The following IER5L variants were observed in gnomAD, a reference collection of about 807,000 sequenced individuals.
The protein encoded by IER5L is immediate early response gene 5-like protein.
A neutral mutation model predicts 28.3 loss-of-function variants in IER5L; 6 were observed. That is an observed-to-expected ratio of 0.21 (90% confidence interval 0.12 to 0.42). The LOEUF is 0.42. IER5L is among the 10% of genes least tolerant of loss of function. The pLI is 1.00. For missense variants in IER5L, 607 were observed against 575.2 expected, an observed-to-expected ratio of 1.06 and a Z score of -0.56; for synonymous variants, 351 against 282.5, an observed-to-expected ratio of 1.24 and a Z score of -2.43.
In IER5L at chr9:129,177,153, G is replaced by A; in HGVS notation, c.900C>T (p.Cys300=). The A allele has an allele frequency of 2.7e-6, 4 of 1,467,422 alleles. No individual in the cohort carries two copies. In the African/African-American group the frequency reaches 4.4e-5, roughly 16 times the overall value. The allele number at this position is 1,467,422 out of a possible 1,614,324, so 90.9% of individuals were successfully genotyped here. Residue 300 remains cysteine, a synonymous_variant, in exon 1 of 1, where the codon TGC becomes TGT. Coordinates refer to ENST00000372491, the MANE Select transcript of IER5L (RefSeq NM_203434.3). ...CCTGGCCAGGGTAATACTTGCGCTT[G>A]CAGCCGGCGGCGGACGCCAGGCCCG... ...PGPGLASAAG[C]KRKYYPGQEE...
Position 129,177,210 on chromosome 9 carries a change from G to A in IER5L, c.843C>T (p.His281=). 6.8e-7 allele frequency: 1 copy of A among 1,473,718 alleles called. No homozygotes were observed. Among genetic ancestry groups the A allele is most frequent in the Non-Finnish European group, 8.9e-7 (1 of 1,120,546 alleles). The allele number at this position is 1,473,718 out of a possible 1,614,324, so 91.3% of individuals were successfully genotyped here. The stretch of plus-strand genomic sequence containing the variant: ...GAGCGCCCTGGCCACAGCAGGGGCA[G>A]TGGGCGGAGGCGCAGCAGTCCTGGT... The part of the protein sequence containing the change: ...YLHQDCCASA[H]CPCCGQGAPG... The change falls in exon 1 of 1, where the codon CAC becomes CAT. Residue 281 remains histidine (H), a synonymous_variant. Coordinates refer to ENST00000372491, the MANE Select transcript of IER5L (RefSeq NM_203434.3).
Position 129,178,059 on chromosome 9 carries a change from G to C in IER5L, c.-7C>G. 2 of 1,411,080 alleles carry C rather than the reference G, an allele frequency of 1.4e-6. No individual in the cohort carries two copies. The highest frequency in any genetic ancestry group is 1.8e-6 in the Non-Finnish European group (2 of 1,081,534). The allele number at this position is 1,411,080 out of a possible 1,614,324, so 87.4% of individuals were successfully genotyped here. On this transcript the variant is annotated 5_prime_UTR_variant, in exon 1 of 1. Transcript: ENST00000372491. ...CGTCCAGGGCGCACTCCATGCTCCC[G>C]CGGAGACGGCGGCGGAGCAGCCGCC...
Position 129,177,531 on chromosome 9 carries a change from G to A in IER5L, c.522C>T (p.Pro174=), listed in dbSNP as rs1829431225. ...PPHGAPHRGQ[P]LEPLQPGPAP... is the part of the protein sequence containing the mutation. The stretch of plus-strand genomic sequence containing the variant: ...CAGGACCCGGCTGCAGAGGCTCCAA[G>A]GGCTGCCCGCGGTGGGGCGCGCCGT... Residue 174 remains proline (P), a synonymous_variant, in exon 1 of 1, where the codon CCC becomes CCT. Transcript: ENST00000372491. The A allele has an allele frequency of 1.0e-6, 1 of 983,804 alleles. No individual in the cohort carries two copies. The highest frequency in any genetic ancestry group is 1.2e-6 in the Non-Finnish European group (1 of 830,352). 60.9% of individuals were successfully genotyped at this position (983,804 alleles called of 1,614,324 possible). A position where few individuals can be genotyped will look rare whatever the true frequency, so the allele number is the denominator to read the frequency against.
In IER5L at chr9:129,177,524, G is replaced by A. The variant is rs912492285; in HGVS notation, c.529C>T (p.Pro177Ser). 522 of 984,316 alleles carry A rather than the reference G, an allele frequency of 5.3e-4. No homozygotes were observed. Among genetic ancestry groups the A allele is most frequent in the Non-Finnish European group, 5.9e-4 (491 of 830,774 alleles). The allele number at this position is 984,316 out of a possible 1,614,324, so 61.0% of individuals were successfully genotyped here. A position where few individuals can be genotyped will look rare whatever the true frequency, so the allele number is the denominator to read the frequency against. The change falls in exon 1 of 1, where the codon CCT (proline) becomes TCT (serine). Residue 177 changes from proline (P) to serine (S), a missense_variant. Coordinates refer to ENST00000372491, the MANE Select transcript of IER5L (RefSeq NM_203434.3). ...GAPHRGQPLE[P>S]LQPGPAPLPL... Reference sequence around the variant, plus strand: ...AGCGGCGCAGGACCCGGCTGCAGAGGCTCCAAGGGCTGCCCGCGGTGGGGC... The same window carrying A: ...AGCGGCGCAGGACCCGGCTGCAGAGACTCCAAGGGCTGCCCGCGGTGGGGC...
chr9:129,177,655 G>A lies in IER5L; in HGVS notation c.398C>T (p.Ala133Val), dbSNP rs10988237. The A allele has an allele frequency of 3.8e-6, 5 of 1,301,324 alleles. No individual in the cohort carries two copies. The Admixed American group carries it at 1.4e-4, about 37-fold the overall frequency. The allele number at this position is 1,301,324 out of a possible 1,614,324, so 80.6% of individuals were successfully genotyped here. A position where few individuals can be genotyped will look rare whatever the true frequency, so the allele number is the denominator to read the frequency against. Residue 133 changes from alanine to valine, a missense_variant, in exon 1 of 1, where the codon GCG becomes GTG. Physicochemically the swap from Ala to Val is moderately conservative, Grantham distance 64. Coordinates refer to ENST00000372491, the MANE Select transcript of IER5L (RefSeq NM_203434.3). ...CGCCGCCGCCGCGCAGCCCCTGGGC[G>A]CCGGGTGCTGGTGCTGGTGCAGCTG... ...QQQLHQHQHP[A>V]PRGCAAAAAA... is the part of the protein sequence containing the mutation.
At position 129,177,810 on chromosome 9, in the gene IER5L, G is replaced by A; in HGVS notation, c.243C>T (p.Gly81=). The change falls in exon 1 of 1, where the codon GGC becomes GGT. Residue 81 remains glycine, a synonymous_variant. Transcript: ENST00000372491. ...QHQHLAYAAP[G]MPASAADFGP... is the part of the protein sequence containing the mutation. ...CGAAGTCGGCCGCGCTGGCCGGCAT[G>A]CCCGGCGCCGCGTACGCTAGGTGCT... 1.3e-6 allele frequency: 2 copies of A among 1,511,086 alleles called. No homozygotes were observed. The highest frequency in any genetic ancestry group is 2.8e-5 in the East Asian group (1 of 35,954). 93.6% of individuals were successfully genotyped at this position (1,511,086 alleles called of 1,614,324 possible).
At position 129,176,265 on chromosome 9, in the gene IER5L, C is replaced by T. The variant is rs1248134845; in HGVS notation, c.*573G>A. 1 of 152,172 alleles carries T rather than the reference C, an allele frequency of 6.6e-6. No homozygotes were observed. The highest frequency in any genetic ancestry group is 2.4e-5 in the African/African-American group (1 of 41,432). 9.4% of individuals were successfully genotyped at this position (152,172 alleles called of 1,614,324 possible). On this transcript the variant is annotated 3_prime_UTR_variant, in exon 1 of 1. Transcript: ENST00000372491. ...TTCTCATTTTGAGAACTTTGGAGTCCGCCCCCAGAGAGGAAATGTGACCCA... is the reference window on the plus strand; with the variant it reads ...TTCTCATTTTGAGAACTTTGGAGTCTGCCCCCAGAGAGGAAATGTGACCCA...
rs1588559812 is a variant in IER5L at position 129,177,181 on chromosome 9, C to A, written c.872G>T (p.Gly291Val). 6 of 1,478,252 alleles carry A rather than the reference C, an allele frequency of 4.1e-6. 1 individual carries two copies. The Admixed American group carries it at 1.2e-4, about 31-fold the overall frequency. The allele number at this position is 1,478,252 out of a possible 1,614,324, so 91.6% of individuals were successfully genotyped here. Residue 291 changes from glycine (G) to valine (V), a missense_variant, in exon 1 of 1, where the codon GGA becomes GTA. Gly to Val is a moderately radical substitution (Grantham distance 109). Coordinates refer to ENST00000372491, the MANE Select transcript of IER5L (RefSeq NM_203434.3). ...HCPCCGQGAPGPGLASAAGCK... is the reference protein window; with the variant it reads ...HCPCCGQGAPVPGLASAAGCK... ...GCCGGCGGCGGACGCCAGGCCCGGT[C>A]CCGGAGCGCCCTGGCCACAGCAGGG...
chr9:129,177,107 C>T lies in IER5L; in HGVS notation c.946G>A (p.Glu316Lys). 6.9e-7 allele frequency: 1 copy of T among 1,458,686 alleles called. No homozygotes were observed. Among genetic ancestry groups the T allele is most frequent in the African/African-American group, 1.5e-5 (1 of 67,382 alleles). The allele number at this position is 1,458,686 out of a possible 1,614,324, so 90.4% of individuals were successfully genotyped here. A position where few individuals can be genotyped will look rare whatever the true frequency, so the allele number is the denominator to read the frequency against. ...PGQEEEEDDEEDAGGLGAEPP... is the reference protein window; with the variant it reads ...PGQEEEEDDEKDAGGLGAEPP... ...TCGGCCCCCAGCCCGCCCGCATCCT[C>T]CTCGTCGTCTTCCTCCTCCTCCTGG... Residue 316 changes from glutamate (E) to lysine (K), a missense_variant, in exon 1 of 1, where the codon GAG (glutamate) becomes AAG (lysine). Coordinates refer to ENST00000372491, the MANE Select transcript of IER5L (RefSeq NM_203434.3).
Position 129,176,877 on chromosome 9 carries a change from G to A in IER5L, c.1176C>T (p.Ala392=), listed in dbSNP as rs1160056430. Residue 392 remains alanine (A), a synonymous_variant, in exon 1 of 1, where the codon GCC becomes GCT. Coordinates refer to ENST00000372491, the MANE Select transcript of IER5L (RefSeq NM_203434.3). ...TGGCTCGAGTCCAGGCGCCGAGGCT[G>A]GCGAGCGCCTGCTTGGCGCACAGCT... is the stretch of plus-strand genomic sequence containing the variant. ...NGQLCAKQAL[A]SLGAWTRAIV... is the part of the protein sequence containing the mutation. The A allele has an allele frequency of 2.5e-6, 4 of 1,598,930 alleles. No individual in the cohort carries two copies. In the East Asian group the frequency reaches 6.9e-5, roughly 28 times the overall value.
chr9:129,178,049 C>A lies in IER5L; in HGVS notation c.4G>T (p.Glu2Ter). 6.9e-7 allele frequency: 1 copy of A among 1,457,318 alleles called. No individual in the cohort carries two copies. The highest frequency in any genetic ancestry group is 9.1e-7 in the Non-Finnish European group (1 of 1,103,200). The allele number at this position is 1,457,318 out of a possible 1,614,324, so 90.3% of individuals were successfully genotyped here. A position where few individuals can be genotyped will look rare whatever the true frequency, so the allele number is the denominator to read the frequency against. Residue 2 changes from glutamate (E) to a stop codon, truncating the protein, a stop_gained, in exon 1 of 1, where the codon GAG (glutamate) becomes TAG (stop). Coordinates refer to ENST00000372491, the MANE Select transcript of IER5L (RefSeq NM_203434.3). LOFTEE classifies it high-confidence loss of function. M[E>*]CALDAQSLIS... Reference sequence around the variant, plus strand: ...AGGCTCTGGGCGTCCAGGGCGCACTCCATGCTCCCGCGGAGACGGCGGCGG... The same window carrying A: ...AGGCTCTGGGCGTCCAGGGCGCACTACATGCTCCCGCGGAGACGGCGGCGG...
In IER5L at chr9:129,176,206, AG is replaced by A. The variant is rs1243922108; in HGVS notation, c.*631del. 5 of 152,142 alleles carry A rather than the reference AG, an allele frequency of 3.3e-5. No homozygotes were observed. Among genetic ancestry groups the A allele is most frequent in the Admixed American group, 1.3e-4 (2 of 15,286 alleles). 9.4% of individuals were successfully genotyped at this position (152,142 alleles called of 1,614,324 possible). A position where few individuals can be genotyped will look rare whatever the true frequency, so the allele number is the denominator to read the frequency against. On this transcript the variant is annotated 3_prime_UTR_variant, in exon 1 of 1. Coordinates refer to ENST00000372491, the MANE Select transcript of IER5L (RefSeq NM_203434.3). Reference sequence around the variant, plus strand: ...TCAAGACACCCGCCCCGGGAAGAAAAGAAAAAAAAAGTTGAAGTGTTTTCAT... The same window carrying A: ...TCAAGACACCCGCCCCGGGAAGAAAAAAAAAAAAAGTTGAAGTGTTTTCAT...
chr9:129,176,602 AAC>A lies in IER5L; in HGVS notation c.*234_*235del, dbSNP rs1829400952. 1.1e-5 allele frequency: 5 copies of A among 439,284 alleles called. No homozygotes were observed. Among genetic ancestry groups the A allele is most frequent in the Non-Finnish European group, 1.9e-5 (5 of 265,576 alleles). 27.2% of individuals were successfully genotyped at this position (439,284 alleles called of 1,614,324 possible). On this transcript the variant is annotated 3_prime_UTR_variant, in exon 1 of 1. Coordinates refer to ENST00000372491, the MANE Select transcript of IER5L (RefSeq NM_203434.3). ...TAAAAAGAAAAAAAGGAGTAGGAGA[AAC>A]ACAAAGCATACTTAAATAGGCGCTT...
Position 129,176,985 on chromosome 9 carries a change from C to A in IER5L, c.1068G>T (p.Leu356Phe). ...AGAAGCCGGAGCCAAAGATGGAGAT[C>A]AAGTTTGAGATGTTGGACGCGTCCG... ...SSPDASNISN[L>F]ISIFGSGFSG... Residue 356 changes from leucine to phenylalanine, a missense_variant, in exon 1 of 1, where the codon TTG becomes TTT. Leu to Phe is a conservative substitution (Grantham distance 22). Transcript: ENST00000372491. The A allele has an allele frequency of 6.2e-7, 1 of 1,602,000 alleles. No homozygotes were observed. Among genetic ancestry groups the A allele is most frequent in the Non-Finnish European group, 8.5e-7 (1 of 1,175,704 alleles).
In IER5L at chr9:129,177,021, C is replaced by T; in HGVS notation, c.1032G>A (p.Pro344=). The T allele has an allele frequency of 6.3e-7, 1 of 1,583,100 alleles. No individual in the cohort carries two copies. Among genetic ancestry groups the T allele is most frequent in the Non-Finnish European group, 8.6e-7 (1 of 1,166,146 alleles). The part of the protein sequence containing the change: ...CKRARFEDFC[P]DSSPDASNIS... Reference sequence around the variant, plus strand: ...TGTTGGACGCGTCCGGGGACGAGTCCGGGCAGAAGTCCTCGAAGCGGGCGC... The same window carrying T: ...TGTTGGACGCGTCCGGGGACGAGTCTGGGCAGAAGTCCTCGAAGCGGGCGC... The change falls in exon 1 of 1, where the codon CCG becomes CCA. Residue 344 remains proline (P), a synonymous_variant. Coordinates refer to ENST00000372491, the MANE Select transcript of IER5L (RefSeq NM_203434.3).
rs1306578066 is a variant in IER5L at position 129,176,937 on chromosome 9, C to T, written c.1116G>A (p.Pro372=). The T allele has an allele frequency of 3.1e-6, 5 of 1,603,880 alleles. No homozygotes were observed. In the African/African-American group the frequency reaches 6.8e-5, roughly 22 times the overall value. The part of the protein sequence containing the change: ...SGFSGLVSRQ[P]DSSEQPPPLN... ...GCGGCGGCGGCTGCTCCGAGGAGTC[C>T]GGCTGTCGGCTCACCAGCCCCGAGA... Residue 372 remains proline, a synonymous_variant, in exon 1 of 1, where the codon CCG becomes CCA. Transcript: ENST00000372491.
At position 129,178,261 on chromosome 9, in the gene IER5L, T is replaced by C. The variant is rs1829446932; in HGVS notation, c.-209A>G. 3 of 421,014 alleles carry C rather than the reference T, an allele frequency of 7.1e-6. No homozygotes were observed. The highest frequency in any genetic ancestry group is 4.1e-6 in the Non-Finnish European group (1 of 242,530). The allele number at this position is 421,014 out of a possible 1,614,324, so 26.1% of individuals were successfully genotyped here. On this transcript the variant is annotated 5_prime_UTR_variant, in exon 1 of 1. Transcript: ENST00000372491. ...CCCCAGACGGCGCCAAAGCAATGAG[T>C]CTCGGCCGGCCCCGGCCCCAGCTAT...
rs1416560243 is a variant in IER5L, at chr9:129,177,209, A to G, written c.844T>C (p.Cys282Arg). Residue 282 changes from cysteine to arginine, a missense_variant, in exon 1 of 1, where the codon TGC (cysteine) becomes CGC (arginine). Physicochemically the swap from Cys to Arg is radical, Grantham distance 180. Coordinates refer to ENST00000372491, the MANE Select transcript of IER5L (RefSeq NM_203434.3). ...LHQDCCASAHCPCCGQGAPGP... is the reference protein window; with the variant it reads ...LHQDCCASAHRPCCGQGAPGP... ...GGAGCGCCCTGGCCACAGCAGGGGC[A>G]GTGGGCGGAGGCGCAGCAGTCCTGG... 1 of 1,474,158 alleles carries G rather than the reference A, an allele frequency of 6.8e-7. No homozygotes were observed. Among genetic ancestry groups the G allele is most frequent in the African/African-American group, 1.5e-5 (1 of 67,804 alleles). 91.3% of individuals were successfully genotyped at this position (1,474,158 alleles called of 1,614,324 possible).
rs1033516878 is a variant in IER5L, at chr9:129,178,223, G to A, written c.-171C>T. ...CGCCACCATGCGCCGCGCGCCACCCGCGGGCTCGCGCTCCCCAGACGGCGC... is the reference window on the plus strand; with the variant it reads ...CGCCACCATGCGCCGCGCGCCACCCACGGGCTCGCGCTCCCCAGACGGCGC... On this transcript the variant is annotated 5_prime_UTR_variant, in exon 1 of 1. Transcript: ENST00000372491. 2.6e-5 allele frequency: 13 copies of A among 496,720 alleles called. No homozygotes were observed. The highest frequency in any genetic ancestry group is 8.8e-5 in the Admixed American group (2 of 22,822). The allele number at this position is 496,720 out of a possible 1,614,324, so 30.8% of individuals were successfully genotyped here.
Sources: gnomAD v4.1 joint callset for allele counts on GRCh38, gnomAD v4.1.1 for gene constraint, MANE v1.5 for transcripts, NCBI Gene and HGNC (gene_info 2026-07-23, HGNC 2026-07-21) for gene names.